The following MUC7 variants were observed in gnomAD, a reference collection of about 807,000 sequenced individuals.
MUC7 encodes the protein mucin-7.
MUC7 carries 2 observed loss-of-function variants against 2.5 expected under a neutral mutation model. That is an observed-to-expected ratio of 0.81 (90% CI 0.33 to 2.55). MUC7 has a LOEUF of 2.55. Ranked by LOEUF, MUC7 falls within the 30% of genes most tolerant of loss-of-function variation. The pLI, the probability that MUC7 is intolerant of heterozygous loss-of-function variation, is 0.11. For synonymous variants in MUC7, 133 were observed against 173.4 expected, an observed-to-expected ratio of 0.77 and a Z score of 1.83; for missense variants, 408 against 455.6, an observed-to-expected ratio of 0.90 and a Z score of 0.95.
At chr4:70,464,495 T>TG (rs2109730311) in intron 1 of MUC7, among the ~76,000 whole-genome samples, 1 of 152,178 alleles carries the variant, frequency 6.6e-6, no homozygotes, top group East Asian at 1.9e-4. Flanking sequence ...TAAGATACAA[T>TG]GGCTTGAAAT....
intron 1 of MUC7, among the ~76,000 whole-genome samples, chr4:70,466,407 C>A (rs1734684109): frequency 6.6e-6 from 1 of 152,068 alleles, no homozygotes. Context: ...TCATGCATAA[C>A]AATATTAACC....
chr4:70,446,732 C>T (rs1734150206), intron 1 of MUC7, among the ~76,000 whole-genome samples: 1 of 152,154 alleles, frequency 6.6e-6, no homozygotes, highest in Non-Finnish European at 1.5e-5. Flanking sequence ...CTCTTCTTAT[C>T]CCTTCCTAAA....
At chr4:70,479,197 C>T (rs36025827) in intron 2 of MUC7, among the ~76,000 whole-genome samples, 41,999 of 151,968 alleles carry the variant, frequency 0.28, 6,115 homozygotes, top group South Asian at 0.39. Flanking sequence ...TGAAATGATT[C>T]GGATTAAATT....
At chr4:70,437,252 G>A (rs1343082670) in intron 1 of MUC7, among the ~76,000 whole-genome samples, 3 of 152,210 alleles carry the variant, frequency 2.0e-5, no homozygotes, top group South Asian at 2.1e-4. Flanking sequence ...AGGCAGGGAC[G>A]TTTAAGTCTG....
chr4:70,465,012 C>G (rs1003983970), intron 1 of MUC7, among the ~76,000 whole-genome samples: 1 of 152,166 alleles, frequency 6.6e-6, no homozygotes, highest in Non-Finnish European at 1.5e-5. Context: ...CGGTTGGCAT[C>G]TGGCAAGTGC....
intron 1 of MUC7, among the ~76,000 whole-genome samples, chr4:70,453,473 T>G (rs2109717609): frequency 6.6e-6 from 1 of 152,264 alleles, no homozygotes; most frequent in South Asian, 2.1e-4. Context: ...GGCTCTTCAG[T>G]CAGCTTGTGC....
intron 2 of MUC7, among the ~76,000 whole-genome samples, chr4:70,475,227 C>T (rs970731040): frequency 5.3e-5 from 8 of 151,550 alleles, no homozygotes; most frequent in Non-Finnish European, 1.0e-4. Context: ...TGCAGTGAGC[C>T]GAGATTGCAT....
chr4:70,436,823 A>G lies in MUC7; in HGVS notation c.-93+6136A>G, dbSNP rs553713260. Among the ~76,000 whole-genome samples the G allele has an allele frequency of 1.1e-4, 16 of 152,054 alleles. No homozygotes were observed. The East Asian group carries it at 2.1e-3, about 20-fold the overall frequency. ...AGCTTTTCTGTTCTGGTTTCTCCCC[A>G]TCTTTATGGTTTTATCTATCTTTGG... On this transcript the variant is annotated intron_variant, in intron 1 of 3. Coordinates refer to the MUC7 transcript ENST00000413702.
intron 1 of MUC7, among the ~76,000 whole-genome samples, chr4:70,434,952 A>C (rs949450566): frequency 2.6e-5 from 4 of 151,986 alleles, no homozygotes; most frequent in Non-Finnish European, 5.9e-5. Context: ...TTCTGCCTTC[A>C]TTTCATTATG....
rs181492284 is a variant in MUC7 at position 70,441,073 on chromosome 4, G to A, written c.-93+10386G>A. On this transcript the variant is annotated intron_variant, in intron 1 of 3. Transcript: ENST00000413702. ...GATTGGAATAAACCCAAGTATATCA[G>A]CTATTAAACTTGATTCAATAATTTT... Among the ~76,000 whole-genome samples the A allele has an allele frequency of 1.1e-3, 164 of 152,220 alleles. 1 individual carries two copies. The highest frequency in any genetic ancestry group is 3.6e-3 in the African/African-American group (151 of 41,540).
At position 70,474,050 on chromosome 4, in the gene MUC7, T is replaced by A; in HGVS notation, c.29T>A (p.Ile10Asn). 1 of 1,613,394 alleles carries A rather than the reference T, an allele frequency of 6.2e-7. No individual in the cohort carries two copies. Among genetic ancestry groups the A allele is most frequent in the Non-Finnish European group, 8.5e-7 (1 of 1,179,588 alleles). Residue 10 changes from isoleucine (I) to asparagine (N), a missense_variant, in exon 2 of 3, where the codon ATC (isoleucine) becomes AAC (asparagine). Physicochemically the swap from Ile to Asn is moderately radical, Grantham distance 149 (BLOSUM62 -3). This residue lies in a region of MUC7 where 225 missense variants were observed against 240.5 expected (regional missense o/e 0.94). Coordinates refer to ENST00000304887, the MANE Select transcript of MUC7 (RefSeq NM_152291.3). MKTLPLFVC[I>N]CALSACFSFS... ...AAAACTCTGCCGCTGTTTGTGTGCA[T>A]CTGTGCACTGAGTGCTTGCTTCTCG...
chr4:70,479,014 T>C (rs1008849922), intron 2 of MUC7, among the ~76,000 whole-genome samples: 2 of 152,130 alleles, frequency 1.3e-5, no homozygotes, highest in African/African-American at 4.8e-5. Context: ...CAAATAATAC[T>C]TTCTTGTATT....
intron 2 of MUC7, among the ~76,000 whole-genome samples, chr4:70,474,390 C>A (rs41357246): frequency 6.6e-5 from 10 of 151,944 alleles, no homozygotes; most frequent in African/African-American, 2.4e-4. Flanking sequence ...TGTGGTGGTG[C>A]GTGCCTGTAA....
At chr4:70,466,569 A>G (rs1439068680) in intron 1 of MUC7, among the ~76,000 whole-genome samples, 2 of 151,670 alleles carry the variant, frequency 1.3e-5, no homozygotes, top group African/African-American at 4.8e-5. Flanking sequence ...AGGAATGTTT[A>G]CCAAGCGAAT....
At chr4:70,477,176 G>A (rs766395871) in intron 2 of MUC7, among the ~76,000 whole-genome samples, 8 of 152,102 alleles carry the variant, frequency 5.3e-5, no homozygotes, top group East Asian at 1.9e-4. Context: ...TTCAGAGGCC[G>A]CGGCGGGAAG....
At chr4:70,440,765 C>T (rs970958458) in intron 1 of MUC7, among the ~76,000 whole-genome samples, 3 of 150,350 alleles carry the variant, frequency 2.0e-5, no homozygotes, top group African/African-American at 7.4e-5. Context: ...TGGAGGGAGA[C>T]AGAAAAATAG....
At chr4:70,463,743 A>G (rs1168781046) in intron 1 of MUC7, among the ~76,000 whole-genome samples, 7 of 152,296 alleles carry the variant, frequency 4.6e-5, no homozygotes, top group African/African-American at 1.7e-4. Flanking sequence ...AGTGGCTTTA[A>G]CACCGTAAGA....
rs140881449 is a variant in MUC7, at chr4:70,447,462, A to G, written c.-93+16775A>G. Among the ~76,000 whole-genome samples, 689 of 152,296 alleles carry G rather than the reference A, an allele frequency of 4.5e-3. 6 individuals are homozygous for G. The highest frequency in any genetic ancestry group is 0.016 in the African/African-American group (664 of 41,570). Reference sequence around the variant, plus strand: ...AGTCACAATGGTTTTATTCCTTCCAATCCAAATAAGTTATGATTATATACA... The same window carrying G: ...AGTCACAATGGTTTTATTCCTTCCAGTCCAAATAAGTTATGATTATATACA... On this transcript the variant is annotated intron_variant, in intron 1 of 3. Transcript: ENST00000413702.
upstream of MUC7, among the ~76,000 whole-genome samples, chr4:70,467,284 C>G (rs1286409257): frequency 6.6e-6 from 1 of 152,192 alleles, no homozygotes; most frequent in Non-Finnish European, 1.5e-5. Flanking sequence ...ATTTATAGCA[C>G]TAAATGCCCA....
Sources: allele counts gnomAD v4.1 joint callset (sites outside exome capture counted in the v4.1 genomes callset), GRCh38; gene constraint gnomAD v4.1.1; regional missense constraint gnomAD v4.1.1; transcripts MANE v1.5; gene names NCBI Gene and HGNC (gene_info 2026-07-23, HGNC 2026-07-21).